The following UQCC1 variants were observed in gnomAD, a reference collection of about 807,000 sequenced individuals.
The protein encoded by UQCC1 is ubiquinol-cytochrome c reductase complex assembly factor 1, also known as bFGF-repressed Zic-binding protein.
In UQCC1, 38 loss-of-function variants were observed where a neutral mutation model predicts 48.0. The observed-to-expected ratio is 0.79, with a 90% CI of 0.61 to 1.04. The LOEUF (loss-of-function observed/expected upper bound fraction) is 1.04, where lower values mean the gene tolerates loss of function less well. UQCC1 is among the 50% of genes least tolerant of loss of function. UQCC1 has a pLI of 0.00. For missense variants in UQCC1, 368 were observed against 381.8 expected (o/e 0.96, Z 0.30); for synonymous variants, 111 against 129.2 (o/e 0.86, Z 0.95).
rs371998136 is a variant in UQCC1, at chr20:35,394,153, C to T, written c.68G>A (p.Arg23Gln). The T allele has an allele frequency of 8.1e-6, 13 of 1,613,946 alleles. No homozygotes were observed. Among genetic ancestry groups the T allele is most frequent in the Admixed American group, 1.7e-5 (1 of 59,988 alleles). Residue 23 changes from arginine to glutamine, a missense_variant, in exon 2 of 10, where the codon CGA becomes CAA. Coordinates refer to ENST00000374385, the MANE Select transcript of UQCC1 (RefSeq NM_018244.5). ...TTGGGTAGGAGACACAGGTATCAAT[C>T]GGCTGCATACTGGAACCCACTGAGA... Reference protein sequence around the residue: ...SISQWVPVCSRLIPVSPTQGQ... With the variant: ...SISQWVPVCSQLIPVSPTQGQ...
intron 4 of UQCC1, among the ~76,000 whole-genome samples, chr20:35,378,751 A>C (rs1215353091): frequency 6.6e-6 from 1 of 152,238 alleles, no homozygotes; most frequent in Non-Finnish European, 1.5e-5. Flanking sequence ...TGTTCAAACA[A>C]GACCAATGAC....
At chr20:35,327,311 G>A (rs2061206188) in intron 7 of UQCC1, among the ~76,000 whole-genome samples, 2 of 152,230 alleles carry the variant, frequency 1.3e-5, no homozygotes, top group South Asian at 2.1e-4. Flanking sequence ...CAGAATGTTT[G>A]TCTTTCACTG....
chr20:35,404,413 G>A (rs1482183536), intron 1 of UQCC1, among the ~76,000 whole-genome samples: 9 of 149,918 alleles, frequency 6.0e-5, no homozygotes, highest in East Asian at 2.0e-4. Context: ...GGTGGCAGGC[G>A]CCTGTAGTCC....
intron 7 of UQCC1, among the ~76,000 whole-genome samples, chr20:35,326,407 G>C (rs562070632): frequency 6.6e-6 from 1 of 152,310 alleles, no homozygotes; most frequent in African/African-American, 2.4e-5. Context: ...AGTCTTGTAT[G>C]ATTTTAGCAA....
Position 35,382,327 on chromosome 20 carries a change from G to T in UQCC1, c.226-302C>A, listed in dbSNP as rs540644159. On this transcript the variant is annotated intron_variant, in intron 3 of 9. Transcript: ENST00000374385. ...CCACAGCCTGTTGTTCTCTGGAGAG[G>T]GGGGGTCCATAGCCTATTGCCTAGG... is the stretch of plus-strand genomic sequence containing the variant. Among the ~76,000 whole-genome samples the T allele has an allele frequency of 3.3e-5, 5 of 151,680 alleles. No individual in the cohort carries two copies. In the East Asian group the frequency reaches 7.8e-4, roughly 24 times the overall value.
intron 5 of UQCC1, among the ~76,000 whole-genome samples, chr20:35,372,266 A>C (rs1226768461): frequency 2.6e-5 from 4 of 151,652 alleles, no homozygotes; most frequent in Non-Finnish European, 5.9e-5. Flanking sequence ...CCGAGATCAC[A>C]CCACTGCAGT....
At chr20:35,308,521 C>T (rs927889189) in intron 8 of UQCC1, among the ~76,000 whole-genome samples, 19 of 152,162 alleles carry the variant, frequency 1.2e-4, no homozygotes, top group Non-Finnish European at 2.4e-4. Context: ...ACTTTAGCAG[C>T]GGGTGAGATG....
chr20:35,390,317 CA>C (rs933761378), intron 2 of UQCC1, among the ~76,000 whole-genome samples: 14 of 151,432 alleles, frequency 9.2e-5, no homozygotes, highest in Non-Finnish European at 1.8e-4. Context: ...CCCAGCTACT[CA>C]GGAGGCTGAG....
At chr20:35,331,315 G>A (rs2061254393) in intron 7 of UQCC1, among the ~76,000 whole-genome samples, 1 of 151,674 alleles carries the variant, frequency 6.6e-6, no homozygotes, top group Non-Finnish European at 1.5e-5. Flanking sequence ...TCTCTCCTGG[G>A]AGCAGAAAGG....
chr20:35,367,347 T>G (rs1426336796), intron 5 of UQCC1, among the ~76,000 whole-genome samples: 5 of 152,164 alleles, frequency 3.3e-5, no homozygotes, highest in Non-Finnish European at 7.4e-5. Flanking sequence ...ACTCCCTTAC[T>G]TTTTTCAGTT....
intron 5 of UQCC1, among the ~76,000 whole-genome samples, chr20:35,372,097 G>A (rs969403749): frequency 2.0e-5 from 3 of 151,634 alleles, no homozygotes; most frequent in Admixed American, 6.6e-5. Context: ...GGATCACAAG[G>A]TCAGGAGTTC....
At chr20:35,350,483 G>A (rs2061478952) in intron 6 of UQCC1, among the ~76,000 whole-genome samples, 1 of 152,030 alleles carries the variant, frequency 6.6e-6, no homozygotes, top group South Asian at 2.1e-4. Context: ...GATCACCTGA[G>A]GTCAGGAGTT....
chr20:35,311,822 G>C (rs1453748068), intron 8 of UQCC1, among the ~76,000 whole-genome samples: 7 of 152,286 alleles, frequency 4.6e-5, no homozygotes, highest in African/African-American at 1.7e-4. Context: ...AAGTGTCCCA[G>C]GTAATTAGTA....
At chr20:35,352,793 C>G (rs1362999823) in intron 6 of UQCC1, among the ~76,000 whole-genome samples, 3 of 152,168 alleles carry the variant, frequency 2.0e-5, no homozygotes, top group Admixed American at 1.3e-4. Context: ...AGCTATCCTC[C>G]TGCCTCGGCA....
chr20:35,402,383 C>A (rs1379453061), intron 1 of UQCC1, among the ~76,000 whole-genome samples: 1 of 151,858 alleles, frequency 6.6e-6, no homozygotes, highest in South Asian at 2.1e-4. Context: ...TTGAAACCAT[C>A]CTGGCTAACA....
intron 8 of UQCC1, among the ~76,000 whole-genome samples, chr20:35,307,964 C>T (rs999937795): frequency 1.3e-5 from 2 of 152,142 alleles, no homozygotes; most frequent in Non-Finnish European, 2.9e-5. Flanking sequence ...TTTCATGAGT[C>T]AAACAAGCCT....
intron 6 of UQCC1, among the ~76,000 whole-genome samples, chr20:35,354,555 C>T (rs1368042512): frequency 1.3e-5 from 2 of 152,134 alleles, no homozygotes; most frequent in Non-Finnish European, 2.9e-5. Context: ...CGCCACCACA[C>T]CGGGCTAATT....
chr20:35,304,136 G>C (rs1406093834), intron 9 of UQCC1, 67 bp from the exon 10 acceptor site: 1 of 1,603,478 alleles, frequency 6.2e-7, no homozygotes, highest in Non-Finnish European at 8.5e-7. Flanking sequence ...CCAGCGTCAG[G>C]AACCAGCCTC....
intron 4 of UQCC1, among the ~76,000 whole-genome samples, chr20:35,375,556 T>C (rs1277159008): frequency 6.6e-6 from 1 of 152,008 alleles, no homozygotes; most frequent in Non-Finnish European, 1.5e-5. Context: ...CATGGTGAAA[T>C]GCTAGAAAAG....
Sources: allele counts gnomAD v4.1 joint callset (sites outside exome capture counted in the v4.1 genomes callset), GRCh38; gene constraint gnomAD v4.1.1; transcripts MANE v1.5; gene names NCBI Gene and HGNC (gene_info 2026-07-23, HGNC 2026-07-21).